Variants in GRIN3A observed in about 807,000 individuals in gnomAD.
GRIN3A encodes the protein glutamate receptor ionotropic, NMDA 3A.
A neutral mutation model predicts 92.4 loss-of-function variants in GRIN3A; 47 were observed. The observed-to-expected ratio is 0.51, with a 90% confidence interval of 0.40 to 0.65. GRIN3A has a LOEUF of 0.65. Among genes scored for constraint, GRIN3A ranks in the 30% least tolerant of loss-of-function variants. GRIN3A has a pLI of 0.00. For missense variants in GRIN3A, 1,324 were observed against 1,393.1 expected (o/e 0.95, Z 0.79); for synonymous variants, 527 against 540.6 (o/e 0.97, Z 0.35).
At chr9:101,618,860 C>G (rs1828507976) in intron 5 of GRIN3A, among the ~76,000 whole-genome samples, 1 of 152,118 alleles carries the variant, frequency 6.6e-6, no homozygotes, top group African/African-American at 2.4e-5. Context: ...AACTGAGCAG[C>G]CTGAGTTGCT....
chr9:101,716,356 A>G lies in GRIN3A; in HGVS notation c.699+20925T>C, dbSNP rs541851372. Among the ~76,000 whole-genome samples the G allele has an allele frequency of 2.6e-4, 40 of 152,328 alleles. No individual in the cohort carries two copies. The South Asian group carries it at 7.7e-3, about 29-fold the overall frequency. On this transcript the variant is annotated intron_variant, in intron 1 of 8. Transcript: ENST00000361820. Reference sequence around the variant, plus strand: ...AAGAACTCACATTTAAAAAAAATGAATACATATTACATGTCAGCTGCTGTC... The same window carrying G: ...AAGAACTCACATTTAAAAAAAATGAGTACATATTACATGTCAGCTGCTGTC...
chr9:101,692,503 T>G (rs1829632010), intron 1 of GRIN3A, among the ~76,000 whole-genome samples: 1 of 152,138 alleles, frequency 6.6e-6, no homozygotes. Flanking sequence ...AAAGAGGTGA[T>G]GGGGCTGGGT....
At chr9:101,711,360 C>T (rs1258434431) in intron 1 of GRIN3A, among the ~76,000 whole-genome samples, 1 of 152,080 alleles carries the variant, frequency 6.6e-6, no homozygotes, top group East Asian at 1.9e-4. Flanking sequence ...CAGGGTGGGA[C>T]GGTGGGAGAT....
intron 1 of GRIN3A, among the ~76,000 whole-genome samples, chr9:101,720,474 C>G (rs1169780770): frequency 6.6e-6 from 1 of 152,170 alleles, no homozygotes; most frequent in Non-Finnish European, 1.5e-5. Flanking sequence ...CTCCTCCCGA[C>G]TCCATATCCC....
chr9:101,672,137 T>C (rs1010827802), intron 2 of GRIN3A, among the ~76,000 whole-genome samples: 2 of 152,178 alleles, frequency 1.3e-5, no homozygotes, highest in Non-Finnish European at 2.9e-5. Flanking sequence ...CCCATTTGAA[T>C]ATTGGTCTAG....
At chr9:101,735,657 C>G (rs1830194745) in intron 1 of GRIN3A, among the ~76,000 whole-genome samples, 2 of 151,828 alleles carry the variant, frequency 1.3e-5, no homozygotes, top group South Asian at 2.1e-4. Context: ...AATAAAGAAG[C>G]AATGATAAGA....
intron 3 of GRIN3A, among the ~76,000 whole-genome samples, chr9:101,635,708 C>T (rs1390209456): frequency 1.3e-5 from 2 of 152,168 alleles, no homozygotes; most frequent in Non-Finnish European, 2.9e-5. Flanking sequence ...TACTGCAGCT[C>T]TTTGCTTCTT....
At chr9:101,716,691 C>A (rs1041294696) in intron 1 of GRIN3A, among the ~76,000 whole-genome samples, 6 of 152,278 alleles carry the variant, frequency 3.9e-5, no homozygotes, top group Non-Finnish European at 8.8e-5. Flanking sequence ...CATTACTCAG[C>A]CAGGCAGTGA....
chr9:101,570,738 T>A lies in GRIN3A; in HGVS notation c.*2436A>T, dbSNP rs559234812. The stretch of plus-strand genomic sequence containing the variant: ...TGTGATCACCACTGCTCAGAATGCC[T>A]CACTAGAGAAGCTTAAGGTAAATCC... On this transcript the variant is annotated 3_prime_UTR_variant, in exon 9 of 9. Coordinates refer to ENST00000361820, the MANE Select transcript of GRIN3A (RefSeq NM_133445.3). 6.6e-6 allele frequency: 1 copy of A among 152,662 alleles called. No individual in the cohort carries two copies. The highest frequency in any genetic ancestry group is 2.1e-4 in the South Asian group (1 of 4,818). 9.5% of individuals were successfully genotyped at this position (152,662 alleles called of 1,614,324 possible). A position where few individuals can be genotyped will look rare whatever the true frequency, so the allele number is the denominator to read the frequency against.
At chr9:101,609,086 C>A (rs186044186) in intron 6 of GRIN3A, among the ~76,000 whole-genome samples, 9 of 152,294 alleles carry the variant, frequency 5.9e-5, no homozygotes, top group African/African-American at 2.2e-4. Context: ...CTTCACGCTT[C>A]GTGATTTGAC....
chr9:101,675,841 A>G (rs1475918812), intron 2 of GRIN3A, among the ~76,000 whole-genome samples: 3 of 152,002 alleles, frequency 2.0e-5, no homozygotes, highest in African/African-American at 7.2e-5. Flanking sequence ...TGTTAACTGC[A>G]GTTAATACAT....
chr9:101,655,979 C>T (rs186318074), intron 3 of GRIN3A, among the ~76,000 whole-genome samples: 10 of 151,886 alleles, frequency 6.6e-5, no homozygotes, highest in African/African-American at 9.7e-5. Context: ...TATGTGAATA[C>T]AGGGGCAGCA....
chr9:101,659,158 A>G (rs569169120), intron 3 of GRIN3A, among the ~76,000 whole-genome samples: 1 of 151,964 alleles, frequency 6.6e-6, no homozygotes, highest in South Asian at 2.1e-4. Flanking sequence ...ACCATCATTA[A>G]CTTAGTTCTC....
intron 1 of GRIN3A, among the ~76,000 whole-genome samples, chr9:101,727,968 C>A (rs567058627): frequency 6.6e-6 from 1 of 151,602 alleles, no homozygotes; most frequent in Admixed American, 6.6e-5. Flanking sequence ...CTCAAATTAA[C>A]TCCTCCTGTA....
intron 3 of GRIN3A, among the ~76,000 whole-genome samples, chr9:101,647,165 T>C (rs573779396): frequency 6.6e-6 from 1 of 152,108 alleles, no homozygotes; most frequent in East Asian, 1.9e-4. Context: ...TTAAGGCATG[T>C]TCATGCTATA....
At chr9:101,639,827 A>C (rs1306304147) in intron 3 of GRIN3A, among the ~76,000 whole-genome samples, 1 of 152,214 alleles carries the variant, frequency 6.6e-6, no homozygotes, top group Non-Finnish European at 1.5e-5. Context: ...GACCCCAGGA[A>C]ACCAGCCTCA....
intron 3 of GRIN3A, among the ~76,000 whole-genome samples, chr9:101,665,492 C>T (rs555601221): frequency 9.9e-5 from 15 of 151,836 alleles, no homozygotes; most frequent in East Asian, 9.7e-4. Flanking sequence ...GTAGTGAAAA[C>T]GGGATGAAAA....
intron 3 of GRIN3A, among the ~76,000 whole-genome samples, chr9:101,664,407 G>A (rs966328766): frequency 2.6e-5 from 4 of 151,956 alleles, no homozygotes; most frequent in Non-Finnish European, 4.4e-5. Context: ...ACTCTGAAGC[G>A]TGGAGCTTGC....
At chr9:101,629,519 C>G (rs1004939808) in intron 3 of GRIN3A, among the ~76,000 whole-genome samples, 9 of 152,166 alleles carry the variant, frequency 5.9e-5, no homozygotes, top group African/African-American at 2.2e-4. Context: ...CATATAGGAA[C>G]TCTTAAAACC....
Sources: gnomAD v4.1 joint callset for allele counts (sites outside exome capture counted in the v4.1 genomes callset) on GRCh38, gnomAD v4.1.1 for gene constraint, MANE v1.5 for transcripts, NCBI Gene and HGNC (gene_info 2026-07-23, HGNC 2026-07-21) for gene names.